PCED1B: variants seen among roughly 807,000 people sequenced by gnomAD.
PCED1B encodes PC-esterase domain-containing protein 1B.
For synonymous variants in PCED1B, 251 were observed against 246.1 expected, an observed-to-expected ratio of 1.02 and a Z score of -0.19; for missense variants, 573 against 573.9, an observed-to-expected ratio of 1.00 and a Z score of 0.02.
chr12:47,176,383 T>C (rs1225903216), intron 2 of PCED1B, among the ~76,000 whole-genome samples: 1 of 152,072 alleles, frequency 6.6e-6, no homozygotes, highest in Non-Finnish European at 1.5e-5. Flanking sequence ...CCTCAGTAGG[T>C]TCTTGGATGA....
At chr12:47,170,633 T>C (rs925412954) in intron 2 of PCED1B, among the ~76,000 whole-genome samples, 1 of 152,244 alleles carries the variant, frequency 6.6e-6, no homozygotes, top group African/African-American at 2.4e-5. Context: ...GTGATATCTC[T>C]TTGTCCATTT....
chr12:47,215,340 GC>G (rs1943221838), intron 2 of PCED1B, among the ~76,000 whole-genome samples: 1 of 149,376 alleles, frequency 6.7e-6, no homozygotes, highest in African/African-American at 2.5e-5. Context: ...TGCAACCTCC[GC>G]CTCCTGGGTT....
intron 2 of PCED1B, among the ~76,000 whole-genome samples, chr12:47,170,427 C>T (rs1002964195): frequency 5.3e-5 from 8 of 152,244 alleles, no homozygotes; most frequent in East Asian, 1.9e-4. Flanking sequence ...GACGGGGTGG[C>T]GGCTGGGCAG....
intron 2 of PCED1B, among the ~76,000 whole-genome samples, chr12:47,171,190 C>CCTGAGTAG (rs1206527334): frequency 6.6e-6 from 1 of 151,742 alleles, no homozygotes; most frequent in Non-Finnish European, 1.5e-5. Flanking sequence ...GCCTCAGCCT[C>CCTGAGTAG]CTGAGTAGCT....
chr12:47,174,425 A>AAAAC (rs749070400), intron 2 of PCED1B, among the ~76,000 whole-genome samples: 3 of 150,654 alleles, frequency 2.0e-5, no homozygotes, highest in South Asian at 2.1e-4. Context: ...AAAAACAAAC[A>AAAAC]AAACAAACAA....
chr12:47,145,720 C>T (rs1351565902), intron 2 of PCED1B, among the ~76,000 whole-genome samples: 1 of 152,194 alleles, frequency 6.6e-6, no homozygotes, highest in African/African-American at 2.4e-5. Context: ...ATTTTCAAGT[C>T]CACTATTGAG....
intron 1 of PCED1B, among the ~76,000 whole-genome samples, chr12:47,093,772 T>G (rs770113487): frequency 6.6e-6 from 1 of 152,062 alleles, no homozygotes; most frequent in African/African-American, 2.4e-5. Context: ...TAACTTCCAC[T>G]GTGGTCAGAG....
chr12:47,104,267 CA>C (rs1341947512), intron 2 of PCED1B, 72 bp downstream of exon 2: 5 of 152,252 alleles, frequency 3.3e-5, no homozygotes, highest in African/African-American at 1.2e-4. Flanking sequence ...TGAAACAAAA[CA>C]AAATGAAAAC....
intron 3 of PCED1B, among the ~76,000 whole-genome samples, chr12:47,221,978 T>C (rs1001242150): frequency 2.6e-5 from 4 of 151,762 alleles, no homozygotes; most frequent in African/African-American, 7.3e-5. Flanking sequence ...GGATGCACAC[T>C]TGTGGTCCCA....
intron 2 of PCED1B, among the ~76,000 whole-genome samples, chr12:47,152,097 A>T (rs1941014751): frequency 6.6e-6 from 1 of 152,234 alleles, no homozygotes; most frequent in Non-Finnish European, 1.5e-5. Context: ...TTCTTTGGTA[A>T]ACACTATAGT....
At chr12:47,177,809 C>A (rs1056141082) in intron 2 of PCED1B, among the ~76,000 whole-genome samples, 2 of 152,008 alleles carry the variant, frequency 1.3e-5, no homozygotes, top group Non-Finnish European at 1.5e-5. Context: ...CAAAAATTAA[C>A]CCGGTATGGT....
intron 2 of PCED1B, among the ~76,000 whole-genome samples, chr12:47,122,399 T>G (rs1939718294): frequency 6.6e-6 from 1 of 152,208 alleles, no homozygotes; most frequent in African/African-American, 2.4e-5. Flanking sequence ...ACTCCCTTGA[T>G]CCAGAACTTT....
rs117670046 is a variant in PCED1B at position 47,202,145 on chromosome 12, C to T, written c.-525-14077C>T. Among the ~76,000 whole-genome samples the T allele has an allele frequency of 4.6e-3, 695 of 152,178 alleles. 3 individuals carry two copies. Among genetic ancestry groups the T allele is most frequent in the South Asian group, 6.0e-3 (29 of 4,828 alleles). On this transcript the variant is annotated intron_variant, in intron 2 of 3. Coordinates refer to ENST00000546455, the MANE Select transcript of PCED1B (RefSeq NM_138371.3). The stretch of plus-strand genomic sequence containing the variant: ...TTATGAAGCATTCAGGCTTCGAGAA[C>T]CTGATTCTAATGTGCTACTAAGATA...
At chr12:47,159,151 G>A (rs1394001881) in intron 2 of PCED1B, among the ~76,000 whole-genome samples, 1 of 152,090 alleles carries the variant, frequency 6.6e-6, no homozygotes, top group Non-Finnish European at 1.5e-5. Context: ...ATCCACTGAT[G>A]GACACTTAGG....
intron 2 of PCED1B, among the ~76,000 whole-genome samples, chr12:47,181,681 C>A (rs1181764453): frequency 6.6e-6 from 1 of 151,584 alleles, no homozygotes; most frequent in Non-Finnish European, 1.5e-5. Flanking sequence ...TAGATTCTTT[C>A]TAATATATAT....
At chr12:47,214,689 GCA>G (rs1430201939) in intron 2 of PCED1B, among the ~76,000 whole-genome samples, 1 of 151,974 alleles carries the variant, frequency 6.6e-6, no homozygotes, top group Non-Finnish European at 1.5e-5. Context: ...TTAATTATAT[GCA>G]CACACACTGG....
At chr12:47,220,045 G>A (rs1943424514) in intron 3 of PCED1B, among the ~76,000 whole-genome samples, 1 of 135,324 alleles carries the variant, frequency 7.4e-6, no homozygotes, top group South Asian at 2.4e-4. Flanking sequence ...TGTACTCCCA[G>A]GTGACCAAGG....
At chr12:47,156,209 A>T (rs190690045) in intron 2 of PCED1B, among the ~76,000 whole-genome samples, 66 of 152,286 alleles carry the variant, frequency 4.3e-4, no homozygotes, top group Admixed American at 6.5e-4. Flanking sequence ...CAAAATTTTA[A>T]CTGATGGCAA....
intron 1 of PCED1B, chr12:47,080,086 C>T (rs1310918419): frequency 6.6e-6 from 1 of 152,498 alleles, no homozygotes; most frequent in African/African-American, 2.4e-5. Flanking sequence ...CTCCCGCTTT[C>T]CTCCTCCAGC....
Sources: gnomAD v4.1 joint callset for allele counts (sites outside exome capture counted in the v4.1 genomes callset) on GRCh38, gnomAD v4.1.1 for gene constraint, MANE v1.5 for transcripts, NCBI Gene and HGNC (gene_info 2026-07-23, HGNC 2026-07-21) for gene names.